PRDM16: variants seen among roughly 807,000 people sequenced by gnomAD.
PRDM16 encodes the protein PR/SET domain 16.
In PRDM16, 23 loss-of-function variants were observed where a neutral mutation model predicts 110.6. The ratio of observed to expected loss-of-function variants is 0.21; its 90% CI spans 0.15 to 0.29. The LOEUF (loss-of-function observed/expected upper bound fraction) is 0.29. Among genes scored for constraint, PRDM16 ranks in the 10% least tolerant of loss-of-function variants. The pLI, the probability that PRDM16 is intolerant of heterozygous loss-of-function variation, is 1.00. For synonymous variants in PRDM16, 799 were observed against 781.8 expected, an observed-to-expected ratio of 1.02 and a Z score of -0.37; for missense variants, 1,615 against 1,794.3, an observed-to-expected ratio of 0.90 and a Z score of 1.81.
rs915118195 is a variant in PRDM16, at chr1:3,069,956, CGGGCT to C, written c.37+664_37+668del. Among the ~76,000 whole-genome samples, 3 of 152,054 alleles carry C rather than the reference CGGGCT, an allele frequency of 2.0e-5. No homozygotes were observed. The highest frequency in any genetic ancestry group is 7.2e-5 in the African/African-American group (3 of 41,526). On this transcript the variant is annotated intron_variant, in intron 1 of 16. Transcript: ENST00000270722. The surrounding 1 kb of genome is among the most constrained non-coding windows in gnomAD (Gnocchi z 6.1). ...GGGGAGCAAAATGGAGACTTTTGCC[CGGGCT>C]GGGAACTGTGGTCGTGAAGTTTATC...
intron 16 of PRDM16, among the ~76,000 whole-genome samples, chr1:3,432,513 C>T (rs536139015): frequency 1.3e-5 from 2 of 152,314 alleles, no homozygotes; most frequent in South Asian, 2.1e-4. Context: ...GGGCTTTTCC[C>T]GGGGGAAGAG....
Position 3,418,012 on chromosome 1 carries a change from G to A in PRDM16, c.2861+15G>A. On this transcript the variant is annotated intron_variant, in intron 11 of 16. Coordinates refer to ENST00000270722, the MANE Select transcript of PRDM16 (RefSeq NM_022114.4). The stretch of plus-strand genomic sequence containing the variant: ...TACACGTGCAGGTGAGGGGCCCTTT[G>A]GTGCTGCTGGGACAGCCCTGGCGGG... 1 of 1,604,738 alleles carries A rather than the reference G, an allele frequency of 6.2e-7. No homozygotes were observed. The highest frequency in any genetic ancestry group is 8.5e-7 in the Non-Finnish European group (1 of 1,175,342).
Position 3,175,971 on chromosome 1 carries a change from C to T in PRDM16, c.38-10154C>T, listed in dbSNP as rs1342174868. Among the ~76,000 whole-genome samples the T allele has an allele frequency of 7.0e-6, 1 of 142,006 alleles. No individual in the cohort carries two copies. Among genetic ancestry groups the T allele is most frequent in the Non-Finnish European group, 1.5e-5 (1 of 64,656 alleles). The allele number at this position is 142,006 out of a possible 152,430, so 93.2% of individuals were successfully genotyped here. A position where few individuals can be genotyped will look rare whatever the true frequency, so the allele number is the denominator to read the frequency against. On this transcript the variant is annotated intron_variant, in intron 1 of 16. Coordinates refer to ENST00000270722, the MANE Select transcript of PRDM16 (RefSeq NM_022114.4). The surrounding 1 kb of genome is among the most constrained non-coding windows in gnomAD (Gnocchi z 4.8). ...CCCATCCATCCATCCACTCACTCAC[C>T]CATCCATCCATGCAGCCAGCCAGCC...
chr1:3,274,390 A>G (rs760600385), intron 3 of PRDM16, among the ~76,000 whole-genome samples: 3 of 152,148 alleles, frequency 2.0e-5, no homozygotes, highest in East Asian at 1.9e-4. Context: ...ATAAAGTAAC[A>G]TATTTCTAAT....
intron 3 of PRDM16, among the ~76,000 whole-genome samples, chr1:3,304,503 A>C (rs913002332): frequency 6.6e-6 from 1 of 152,206 alleles, no homozygotes; most frequent in African/African-American, 2.4e-5. Flanking sequence ...TCACGGAGCT[A>C]CTGCCCTCAG....
intron 3 of PRDM16, among the ~76,000 whole-genome samples, chr1:3,332,050 T>C (rs1017431317): frequency 6.6e-6 from 1 of 152,224 alleles, no homozygotes; most frequent in Non-Finnish European, 1.5e-5. Context: ...CCTGCCAGGC[T>C]CCCTGCTCCG....
At chr1:3,072,716 C>T (rs527703576) in intron 1 of PRDM16, among the ~76,000 whole-genome samples, 1 of 152,216 alleles carries the variant, frequency 6.6e-6, no homozygotes, top group Non-Finnish European at 1.5e-5. Context: ...CGGCAGCCTT[C>T]CCTCTGAAGG....
At chr1:3,229,805 C>CCTGG (rs1639366098) in intron 2 of PRDM16, among the ~76,000 whole-genome samples, 1 of 152,166 alleles carries the variant, frequency 6.6e-6, no homozygotes, top group Non-Finnish European at 1.5e-5. Flanking sequence ...CAGGAGCAGC[C>CCTGG]CCCAGAGGAG....
chr1:3,174,201 GTCA>G (rs780461852), intron 1 of PRDM16, among the ~76,000 whole-genome samples: 1 of 152,164 alleles, frequency 6.6e-6, no homozygotes, highest in Non-Finnish European at 1.5e-5. Context: ...CCCTGCCTCT[GTCA>G]TCATATGGGT....
rs199614349 is a variant in PRDM16, at chr1:3,186,288, G to A, written c.201G>A (p.Pro67=). The change falls in exon 2 of 17, where the codon CCG becomes CCA. Residue 67 remains proline (P), a synonymous_variant. Coordinates refer to ENST00000270722, the MANE Select transcript of PRDM16 (RefSeq NM_022114.4). ...ACTTCACCCCCAAGGAGGGCTCGCCGTACGAGGCCCCTGTCTACATTCCTG... is the reference window on the plus strand; with the variant it reads ...ACTTCACCCCCAAGGAGGGCTCGCCATACGAGGCCCCTGTCTACATTCCTG... ...SEDFTPKEGS[P]YEAPVYIPED... is the part of the protein sequence containing the mutation. 2,767 of 1,611,576 alleles carry A rather than the reference G, an allele frequency of 1.7e-3. 15 individuals are homozygous for A. Among genetic ancestry groups the A allele is most frequent in the Middle Eastern group, 0.013 (76 of 6,048 alleles).
chr1:3,240,969 G>A (rs1227152767), intron 2 of PRDM16, among the ~76,000 whole-genome samples: 1 of 152,246 alleles, frequency 6.6e-6, no homozygotes, highest in African/African-American at 2.4e-5. Context: ...GGTTGAGAGC[G>A]CGGCGGCCGC....
At chr1:3,219,988 G>A (rs1343671312) in intron 2 of PRDM16, among the ~76,000 whole-genome samples, 8 of 152,150 alleles carry the variant, frequency 5.3e-5, no homozygotes, top group South Asian at 2.1e-4. Context: ...GATGTTTGGC[G>A]CTGAGGTAAT....
intron 3 of PRDM16, 88 bp from the exon 4 acceptor site, chr1:3,385,060 CCAAA>C: frequency 2.6e-6 from 4 of 1,519,548 alleles, no homozygotes; most frequent in Non-Finnish European, 3.6e-6. Flanking sequence ...CTACTTGAGC[CCAAA>C]CAGCCAGGTT....
chr1:3,366,612 C>T lies in PRDM16; in HGVS notation c.439-18540C>T, dbSNP rs573889854. 2.6e-5 allele frequency among the ~76,000 whole-genome samples: 4 copies of T among 152,256 alleles called. No individual in the cohort carries two copies. In the South Asian group the frequency reaches 8.3e-4, roughly 32 times the overall value. On this transcript the variant is annotated intron_variant, in intron 3 of 16. Coordinates refer to ENST00000270722, the MANE Select transcript of PRDM16 (RefSeq NM_022114.4). Reference sequence around the variant, plus strand: ...GAGAATATTTGGATAATCTTGACAGCCCTGAGGACTAAAAAAGACCTTTTG... The same window carrying T: ...GAGAATATTTGGATAATCTTGACAGTCCTGAGGACTAAAAAAGACCTTTTG...
intron 4 of PRDM16, among the ~76,000 whole-genome samples, chr1:3,393,107 A>G (rs1643323919): frequency 6.6e-6 from 1 of 152,006 alleles, no homozygotes; most frequent in Admixed American, 6.6e-5. Context: ...GCGCTAGTAA[A>G]CTCAGCTGTT....
At chr1:3,324,307 C>G (rs114067149) in intron 3 of PRDM16, among the ~76,000 whole-genome samples, 4,846 of 152,262 alleles carry the variant, frequency 0.032, 267 homozygotes, top group African/African-American at 0.11. Flanking sequence ...TCACTCTCCT[C>G]CTCTCTGAGG....
At chr1:3,322,963 C>T (rs1641795537) in intron 3 of PRDM16, among the ~76,000 whole-genome samples, 2 of 152,196 alleles carry the variant, frequency 1.3e-5, no homozygotes, top group African/African-American at 2.4e-5. Flanking sequence ...TGGTCACTCT[C>T]TAGGCCCCAG....
chr1:3,155,616 C>G (rs910117929), intron 1 of PRDM16, among the ~76,000 whole-genome samples: 3 of 152,288 alleles, frequency 2.0e-5, no homozygotes, highest in Admixed American at 2.0e-4. Flanking sequence ...AGGCTCCCAG[C>G]ACGGCCGCCG....
chr1:3,187,430 G>A (rs1469574172), intron 2 of PRDM16, among the ~76,000 whole-genome samples: 1 of 152,184 alleles, frequency 6.6e-6, no homozygotes, highest in Non-Finnish European at 1.5e-5. Flanking sequence ...ATCCCCAGAC[G>A]GGTGGGGGCA....
Sources: gnomAD v4.1 joint callset for allele counts (sites outside exome capture counted in the v4.1 genomes callset) on GRCh38, gnomAD v4.1.1 for gene constraint, Gnocchi (gnomAD v3.1) non-coding constraint, MANE v1.5 for transcripts, NCBI Gene and HGNC (gene_info 2026-07-23, HGNC 2026-07-21) for gene names.